NUSAP1: variants seen among roughly 807,000 people sequenced by gnomAD.
NUSAP1 encodes nucleolar and spindle-associated protein 1.
NUSAP1 carries 32 observed loss-of-function variants against 52.8 expected under a neutral mutation model. The observed-to-expected ratio is 0.61, with a 90% CI of 0.46 to 0.81. NUSAP1 has a LOEUF of 0.81. Among genes scored for constraint, NUSAP1 ranks in the 40% least tolerant of loss-of-function variants. The probability of loss-of-function intolerance (pLI) is 0.00; values close to 1 mark genes in which losing one functional copy is unlikely to be tolerated. For missense variants in NUSAP1, 499 were observed against 522.3 expected, an observed-to-expected ratio of 0.96 and a Z score of 0.43; for synonymous variants, 195 against 183.1, an observed-to-expected ratio of 1.06 and a Z score of -0.52.
At chr15:41,362,451 T>A (rs1321563218) in intron 6 of NUSAP1, among the ~76,000 whole-genome samples, 1 of 148,630 alleles carries the variant, frequency 6.7e-6, no homozygotes, top group African/African-American at 2.5e-5. Flanking sequence ...GGAGTCTCGC[T>A]CTGTCACCCA....
chr15:41,337,260 C>G (rs1317168457), intron 1 of NUSAP1, among the ~76,000 whole-genome samples: 1 of 152,134 alleles, frequency 6.6e-6, no homozygotes, highest in Non-Finnish European at 1.5e-5. Flanking sequence ...ATTCAGCGAT[C>G]CTCGCGCCTT....
At chr15:41,355,785 T>A (rs2048944878) in intron 4 of NUSAP1, among the ~76,000 whole-genome samples, 1 of 151,978 alleles carries the variant, frequency 6.6e-6, no homozygotes. Context: ...CACACCATTC[T>A]CCTGCCTCAA....
At chr15:41,368,545 C>A (rs999618338) in intron 7 of NUSAP1, among the ~76,000 whole-genome samples, 2 of 152,066 alleles carry the variant, frequency 1.3e-5, no homozygotes, top group Admixed American at 1.3e-4. Context: ...TGTAACTTTT[C>A]TGACATCAAA....
intron 1 of NUSAP1, among the ~76,000 whole-genome samples, chr15:41,336,649 T>TGTTTTTTG (rs755637715): frequency 0.01 from 1,144 of 109,400 alleles, 11 homozygotes; most frequent in South Asian, 0.021. Flanking sequence ...CTCCTTTTGG[T>TGTTTTTTG]TTTTTTTTTT....
At chr15:41,365,758 T>C in intron 7 of NUSAP1, 169 bp downstream of exon 7, 1 of 371,112 alleles carries the variant, frequency 2.7e-6, no homozygotes, top group Non-Finnish European at 4.6e-6. Context: ...TCTCGCTCTG[T>C]CGCCCAGGCT....
intron 1 of NUSAP1, among the ~76,000 whole-genome samples, chr15:41,340,254 G>A (rs1353282032): frequency 2.0e-5 from 3 of 151,984 alleles, no homozygotes; most frequent in Non-Finnish European, 2.9e-5. Context: ...CGCTCTGCTC[G>A]GAGTGCTCTT....
At chr15:41,365,760 G>A (rs1343301007) in intron 7 of NUSAP1, 171 bp downstream of exon 7, 7 of 353,554 alleles carry the variant, frequency 2.0e-5, no homozygotes, top group Admixed American at 5.2e-5. Flanking sequence ...TCGCTCTGTC[G>A]CCCAGGCTGG....
At chr15:41,376,228 T>C (rs530441906) in intron 9 of NUSAP1, among the ~76,000 whole-genome samples, 2 of 149,932 alleles carry the variant, frequency 1.3e-5, no homozygotes, top group Non-Finnish European at 3.0e-5. Context: ...AAACCCCGTC[T>C]CTTCTGAAAA....
intron 6 of NUSAP1, among the ~76,000 whole-genome samples, chr15:41,360,750 CCTGTCCTCA>C (rs2049141134): frequency 6.6e-6 from 1 of 151,994 alleles, no homozygotes; most frequent in Admixed American, 6.6e-5. Context: ...AGCCACCACT[CCTGTCCTCA>C]CTGTTACCAC....
chr15:41,348,147 A>G (rs1489965902), intron 2 of NUSAP1, among the ~76,000 whole-genome samples: 3 of 152,130 alleles, frequency 2.0e-5, no homozygotes, highest in Admixed American at 2.0e-4. Context: ...AGAAAGAAAA[A>G]GATGACCCTA....
At position 41,376,394 on chromosome 15, in the gene NUSAP1, G is replaced by C. The variant is rs572431204; in HGVS notation, c.1123+566G>C. Among the ~76,000 whole-genome samples, 278 of 151,026 alleles carry C rather than the reference G, an allele frequency of 1.8e-3. 3 individuals are homozygous for C. The highest frequency in any genetic ancestry group is 6.4e-3 in the African/African-American group (265 of 41,112). On this transcript the variant is annotated intron_variant, in intron 9 of 10. Transcript: ENST00000559596. Reference sequence around the variant, plus strand: ...AGCCTGGGTGACATAGTGAGACCACGCCTCAAAAACAGGCTGGGCGCGGTG... The same window carrying C: ...AGCCTGGGTGACATAGTGAGACCACCCCTCAAAAACAGGCTGGGCGCGGTG...
chr15:41,365,696 A>G, intron 7 of NUSAP1, 107 bp downstream of exon 7: 1 of 683,000 alleles, frequency 1.5e-6, no homozygotes, highest in African/African-American at 1.9e-5. Flanking sequence ...CATAGGGTAC[A>G]TAGTGATGTT....
chr15:41,368,047 AGC>A (rs1317110536), intron 7 of NUSAP1, among the ~76,000 whole-genome samples: 5 of 152,206 alleles, frequency 3.3e-5, no homozygotes, highest in African/African-American at 9.6e-5. Flanking sequence ...ACATAGTGAA[AGC>A]TGTCTCCAAA....
intron 7 of NUSAP1, among the ~76,000 whole-genome samples, chr15:41,366,474 G>T (rs2049421033): frequency 6.6e-6 from 1 of 151,742 alleles, no homozygotes; most frequent in Non-Finnish European, 1.5e-5. Flanking sequence ...TAGAGACGGG[G>T]TTTCACCATG....
rs1407202764 is a variant in NUSAP1 at position 41,380,712 on chromosome 15, G to A, written c.*526G>A. On this transcript the variant is annotated 3_prime_UTR_variant, in exon 11 of 11. Transcript: ENST00000559596. ...ATTTTACCTAGGTGAAATTGTTTAGGCTTATGTACCTTCGTTCAAATATCC... is the reference window on the plus strand; with the variant it reads ...ATTTTACCTAGGTGAAATTGTTTAGACTTATGTACCTTCGTTCAAATATCC... The A allele has an allele frequency of 6.6e-6, 1 of 152,268 alleles. No individual in the cohort carries two copies. 9.4% of individuals were successfully genotyped at this position (152,268 alleles called of 1,614,324 possible).
intron 6 of NUSAP1, among the ~76,000 whole-genome samples, chr15:41,362,419 CT>C (rs71104787): frequency 0.29 from 38,502 of 130,668 alleles, 4,762 homozygotes; most frequent in African/African-American, 0.35. Flanking sequence ...TATTGTTTAT[CT>C]TTTTTTTTTT....
intron 1 of NUSAP1, among the ~76,000 whole-genome samples, chr15:41,335,331 G>A (rs1363559810): frequency 1.4e-5 from 2 of 140,138 alleles, no homozygotes; most frequent in East Asian, 2.1e-4. Flanking sequence ...AAATATACTA[G>A]GATACTAAAT....
At chr15:41,336,484 A>C (rs972497112) in intron 1 of NUSAP1, among the ~76,000 whole-genome samples, 6 of 151,616 alleles carry the variant, frequency 4.0e-5, no homozygotes, top group African/African-American at 1.5e-4. Context: ...CCCTATACTC[A>C]CCTGGCAAAA....
At position 41,375,696 on chromosome 15, in the gene NUSAP1, T is replaced by C. The variant is rs1489668072; in HGVS notation, c.1007-16T>C. ...GTTTCTAATTAAGCTCTTGGGTTTTTTCGGTGTGTTTTTAGTTATTACCCC... is the reference window on the plus strand; with the variant it reads ...GTTTCTAATTAAGCTCTTGGGTTTTCTCGGTGTGTTTTTAGTTATTACCCC... On this transcript the variant is annotated splice_polypyrimidine_tract_variant and intron_variant, in intron 8 of 10. Coordinates refer to ENST00000559596, the MANE Select transcript of NUSAP1 (RefSeq NM_016359.5). 5.9e-6 allele frequency: 9 copies of C among 1,519,394 alleles called. No individual in the cohort carries two copies. Among genetic ancestry groups the C allele is most frequent in the Non-Finnish European group, 8.2e-6 (9 of 1,094,592 alleles). The allele number at this position is 1,519,394 out of a possible 1,614,324, so 94.1% of individuals were successfully genotyped here.
Sources: allele counts gnomAD v4.1 joint callset (sites outside exome capture counted in the v4.1 genomes callset), GRCh38; gene constraint gnomAD v4.1.1; transcripts MANE v1.5; gene names NCBI Gene and HGNC (gene_info 2026-07-23, HGNC 2026-07-21).